Variants in DNASE1 observed in about 807,000 individuals in gnomAD.
The protein encoded by DNASE1 is deoxyribonuclease 1.
In DNASE1, 40 loss-of-function variants were observed where a neutral mutation model predicts 33.9. That is an observed-to-expected ratio of 1.18 (90% CI 0.92 to 1.54). DNASE1 has a LOEUF of 1.54. DNASE1 is among the 40% of genes most tolerant of loss of function. The pLI is 0.00. For synonymous variants in DNASE1, 216 were observed against 160.0 expected (o/e 1.35, Z -2.64); for missense variants, 518 against 372.6 (o/e 1.39, Z -3.21).
chr16:3,612,152 G>T (rs1250345890), intron 1 of DNASE1: 2 of 152,528 alleles, frequency 1.3e-5, no homozygotes, highest in Non-Finnish European at 2.9e-5. Context: ...TGGGGGAAAG[G>T]TAGCAGAGGT....
At chr16:3,619,133 C>T (rs1216747065) in intron 1 of DNASE1, among the ~76,000 whole-genome samples, 1 of 152,062 alleles carries the variant, frequency 6.6e-6, no homozygotes, top group African/African-American at 2.4e-5. Flanking sequence ...ATCCCAGGCT[C>T]AAGTGATCCT....
At chr16:3,640,850 C>G, upstream of DNASE1, 1 of 398,654 alleles carries the variant, frequency 2.5e-6, no homozygotes, top group Non-Finnish European at 4.4e-6. Flanking sequence ...CCAGGCACCT[C>G]CGAAGATCAG....
chr16:3,634,874 T>TG (rs2151182867), intron 1 of DNASE1, among the ~76,000 whole-genome samples: 1 of 152,290 alleles, frequency 6.6e-6, no homozygotes, highest in Non-Finnish European at 1.5e-5. Flanking sequence ...TAGAGTGCAG[T>TG]GGCTATTCAC....
intron 1 of DNASE1, among the ~76,000 whole-genome samples, chr16:3,613,908 ATTTTTTTTT>A (rs200976238): frequency 5.3e-5 from 6 of 113,140 alleles, no homozygotes; most frequent in East Asian, 2.5e-4. Context: ...CGCCTGGCTA[ATTTTTTTTT>A]TTTTTTTTTT....
chr16:3,654,266 T>G, upstream of DNASE1: 1 of 397,956 alleles, frequency 2.5e-6, no homozygotes, highest in Non-Finnish European at 4.4e-6. Flanking sequence ...CCCCACTGCT[T>G]GGCTGGCAAT....
chr16:3,614,152 T>G (rs1314726504), intron 1 of DNASE1, among the ~76,000 whole-genome samples: 2 of 152,050 alleles, frequency 1.3e-5, no homozygotes, highest in African/African-American at 4.8e-5. Context: ...GACCTCGTGA[T>G]CTGCCCGCCT....
intron 1 of DNASE1, among the ~76,000 whole-genome samples, chr16:3,645,607 A>G (rs1225038660): frequency 6.6e-6 from 1 of 152,338 alleles, no homozygotes; most frequent in Non-Finnish European, 1.5e-5. Context: ...AGGCTGAGCC[A>G]ACATGCCGTG....
intron 1 of DNASE1, among the ~76,000 whole-genome samples, chr16:3,647,207 G>A (rs1009470867): frequency 6.6e-6 from 1 of 151,320 alleles, no homozygotes; most frequent in Non-Finnish European, 1.5e-5. Context: ...GATCACATCT[G>A]GCAGTATTGC....
downstream of DNASE1, chr16:3,659,780 G>C (rs1227451771): frequency 6.8e-6 from 1 of 146,550 alleles, no homozygotes; most frequent in Non-Finnish European, 1.5e-5. Context: ...TAGATAGATA[G>C]ACTCTCACTC....
At chr16:3,653,826 A>AAC (rs1567205837), upstream of DNASE1, 2 of 145,006 alleles carry the variant, frequency 1.4e-5, no homozygotes, top group African/African-American at 5.3e-5. Context: ...AAAAAAAAAA[A>AAC]AAAAAAAAAA....
chr16:3,640,185 G>A (rs1190553827), upstream of DNASE1, among the ~76,000 whole-genome samples: 2 of 152,198 alleles, frequency 1.3e-5, no homozygotes. Flanking sequence ...GGATTGTTTT[G>A]TTTGCTACTT....
intron 1 of DNASE1, among the ~76,000 whole-genome samples, chr16:3,644,438 C>T (rs1156639795): frequency 6.6e-6 from 1 of 152,092 alleles, no homozygotes; most frequent in African/African-American, 2.4e-5. Flanking sequence ...TGGCGGGTAC[C>T]TGTAATCCCA....
chr16:3,654,612 C>G (rs542467990), upstream of DNASE1: 1 of 398,658 alleles, frequency 2.5e-6, no homozygotes, highest in Non-Finnish European at 4.4e-6. Context: ...GGCCACCACA[C>G]GTGCAAGGGA....
upstream of DNASE1, chr16:3,642,866 CT>C: frequency 6.6e-6 from 1 of 152,556 alleles, no homozygotes; most frequent in Non-Finnish European, 1.5e-5. Flanking sequence ...TCCTCAGCCC[CT>C]CCCCTTTTCA....
In DNASE1 at chr16:3,657,225, C is replaced by A; in HGVS notation, c.588C>A (p.Ser196Arg). The part of the protein sequence containing the change: ...MLMGDFNAGC[S>R]YVRPSQWSSI... ...TGGGCGACTTCAATGCGGGCTGCAGCTATGTGAGACCCTCCCAGTGGTCAT... is the reference window on the plus strand; with the variant it reads ...TGGGCGACTTCAATGCGGGCTGCAGATATGTGAGACCCTCCCAGTGGTCAT... The change falls in exon 7 of 9, where the codon AGC becomes AGA. Residue 196 changes from serine (S) to arginine (R), a missense_variant. By Grantham distance (110) the Ser-to-Arg change is moderately radical. Coordinates refer to ENST00000246949, the MANE Select transcript of DNASE1 (RefSeq NM_005223.4). The A allele has an allele frequency of 6.2e-7, 1 of 1,614,000 alleles. No individual in the cohort carries two copies. Among genetic ancestry groups the A allele is most frequent in the South Asian group, 1.1e-5 (1 of 91,084 alleles).
downstream of DNASE1, chr16:3,662,095 G>A: frequency 6.2e-7 from 1 of 1,613,308 alleles, no homozygotes; most frequent in Non-Finnish European, 8.5e-7. Context: ...CTCCAGCACG[G>A]TGACCATGGC....
intron 1 of DNASE1, among the ~76,000 whole-genome samples, chr16:3,621,008 C>T (rs1312787099): frequency 6.6e-6 from 1 of 152,106 alleles, no homozygotes; most frequent in Non-Finnish European, 1.5e-5. Flanking sequence ...CCATATTGAC[C>T]AGGCTGATCT....
At chr16:3,636,891 A>G (rs1041647404) in intron 1 of DNASE1, among the ~76,000 whole-genome samples, 15 of 152,128 alleles carry the variant, frequency 9.9e-5, no homozygotes, top group African/African-American at 3.1e-4. Flanking sequence ...CGGGAGGCCA[A>G]CGCAGGCTGA....
In DNASE1 at chr16:3,663,210, G is replaced by A. The variant is rs934745468; in HGVS notation, c.*5257G>A. 27 of 705,648 alleles carry A rather than the reference G, an allele frequency of 3.8e-5. No individual in the cohort carries two copies. The Admixed American group carries it at 7.7e-4, about 20-fold the overall frequency. The allele number at this position is 705,648 out of a possible 1,614,324, so 43.7% of individuals were successfully genotyped here. Reference sequence around the variant, plus strand: ...CTCTCAAGAAGCTGGGCCAGCTCCAGAAGCCACCGTGGCAGGAGCACTGGA... The same window carrying A: ...CTCTCAAGAAGCTGGGCCAGCTCCAAAAGCCACCGTGGCAGGAGCACTGGA... On this transcript the variant is annotated 3_prime_UTR_variant, in exon 10 of 10. Transcript: ENST00000407479.
Sources: gnomAD v4.1 joint callset for allele counts (sites outside exome capture counted in the v4.1 genomes callset) on GRCh38, gnomAD v4.1.1 for gene constraint, MANE v1.5 for transcripts, NCBI Gene and HGNC (gene_info 2026-07-23, HGNC 2026-07-21) for gene names.